RBM25: variants seen among roughly 807,000 people sequenced by gnomAD.
RBM25 encodes RNA binding motif protein 25.
A neutral mutation model predicts 120.7 loss-of-function variants in RBM25; 19 were observed. The observed-to-expected ratio is 0.16, with a 90% CI of 0.11 to 0.23. The LOEUF is 0.23. Ranked by LOEUF, RBM25 falls within the 10% of genes least tolerant of loss-of-function variation. The pLI, the probability that RBM25 is intolerant of heterozygous loss-of-function variation, is 1.00. For missense variants in RBM25, 605 were observed against 1,041.5 expected (o/e 0.58, Z 5.77); for synonymous variants, 390 against 326.7 (o/e 1.19, Z -2.09).
chr14:73,075,171 A>T lies in RBM25; in HGVS notation c.107-1148A>T, dbSNP rs535114581. On this transcript the variant is annotated intron_variant, in intron 2 of 18. Transcript: ENST00000261973. ...CAAGCATGATTTTATTTATTTATTT[A>T]TTTTTTTGGTACAGAGTCTTGCACC... 1.3e-3 allele frequency among the ~76,000 whole-genome samples: 199 copies of T among 151,292 alleles called. 2 individuals carry two copies. The highest frequency in any genetic ancestry group is 8.4e-4 in the Non-Finnish European group (57 of 67,812).
At chr14:73,062,654 GA>G (rs1403823989) in intron 1 of RBM25, among the ~76,000 whole-genome samples, 1 of 151,352 alleles carries the variant, frequency 6.6e-6, no homozygotes, top group Non-Finnish European at 1.5e-5. Context: ...TGCATATGTT[GA>G]GTACTAGAGA....
chr14:73,099,182 C>T (rs948865013), intron 7 of RBM25, among the ~76,000 whole-genome samples, 198 bp from the exon 8 acceptor site: 9 of 151,874 alleles, frequency 5.9e-5, no homozygotes, highest in Non-Finnish European at 4.4e-5. Flanking sequence ...TTGGAGTATC[C>T]AGAGAGGAGG....
intron 10 of RBM25, among the ~76,000 whole-genome samples, 194 bp from the exon 11 acceptor site, chr14:73,105,665 T>G (rs921275660): frequency 6.6e-6 from 1 of 152,218 alleles, no homozygotes; most frequent in Admixed American, 6.5e-5. Context: ...TTAGAATGCA[T>G]TTTAGGATTT....
chr14:73,109,206 A>G, intron 13 of RBM25, 136 bp from the exon 14 acceptor site: 1 of 876,918 alleles, frequency 1.1e-6, no homozygotes. Flanking sequence ...TGTTCCGTAG[A>G]TACAGAACAT....
At chr14:73,090,411 C>T (rs577139103) in intron 6 of RBM25, among the ~76,000 whole-genome samples, 5 of 152,248 alleles carry the variant, frequency 3.3e-5, no homozygotes, top group Admixed American at 1.3e-4. Context: ...TTCTAGCTTC[C>T]GTCTTCCCTC....
intron 9 of RBM25, chr14:73,100,578 A>G (rs541707105): frequency 4.4e-5 from 15 of 342,118 alleles, no homozygotes; most frequent in African/African-American, 2.5e-4. Context: ...ACTGCATGAA[A>G]TGTATTTTGA....
At chr14:73,089,304 C>G (rs562853082) in intron 6 of RBM25, among the ~76,000 whole-genome samples, 1 of 152,162 alleles carries the variant, frequency 6.6e-6, no homozygotes, top group South Asian at 2.1e-4. Context: ...ACACTGTAGG[C>G]GGTTTGGATG....
intron 1 of RBM25, among the ~76,000 whole-genome samples, chr14:73,066,243 T>C (rs1360905093): frequency 6.6e-6 from 1 of 152,164 alleles, no homozygotes; most frequent in Non-Finnish European, 1.5e-5. Flanking sequence ...ACTCAACACA[T>C]TTACAGTCTT....
chr14:73,081,668 C>G (rs1270196615), intron 4 of RBM25, among the ~76,000 whole-genome samples: 1 of 152,170 alleles, frequency 6.6e-6, no homozygotes, highest in Non-Finnish European at 1.5e-5. Context: ...GGTAACTTTT[C>G]TGAATCTAAA....
At chr14:73,112,843 C>T (rs1708238682) in intron 17 of RBM25, among the ~76,000 whole-genome samples, 1 of 151,764 alleles carries the variant, frequency 6.6e-6, no homozygotes, top group Non-Finnish European at 1.5e-5. Context: ...TTGCTTTGTC[C>T]TACAGGCTGG....
chr14:73,112,026 C>A, intron 16 of RBM25, 126 bp from the exon 17 acceptor site: 4 of 1,060,592 alleles, frequency 3.8e-6, no homozygotes, highest in Non-Finnish European at 4.2e-6. Flanking sequence ...TATCTTGATA[C>A]ATATCTGTCT....
intron 4 of RBM25, among the ~76,000 whole-genome samples, chr14:73,078,931 C>G (rs763316562): frequency 6.6e-6 from 1 of 152,130 alleles, no homozygotes; most frequent in Non-Finnish European, 1.5e-5. Flanking sequence ...ACTGTGAGTC[C>G]TTTTCCCCAA....
intron 18 of RBM25, among the ~76,000 whole-genome samples, chr14:73,118,989 G>A (rs1312048646): frequency 1.3e-5 from 2 of 151,920 alleles, no homozygotes; most frequent in African/African-American, 4.8e-5. Context: ...GGCTGGTCTT[G>A]AACTCTTGAC....
chr14:73,083,566 T>C lies in RBM25; in HGVS notation c.382+15T>C. On this transcript the variant is annotated intron_variant, in intron 5 of 18. Coordinates refer to ENST00000261973, the MANE Select transcript of RBM25 (RefSeq NM_021239.3). ...AAAGCTTCAAGGTATGTCATTTTTT[T>C]CCTTATTTGCTGAAATCACTTTAAC... is the stretch of plus-strand genomic sequence containing the variant. The C allele has an allele frequency of 1.9e-6, 3 of 1,561,774 alleles. No homozygotes were observed. The highest frequency in any genetic ancestry group is 2.6e-6 in the Non-Finnish European group (3 of 1,161,462).
At chr14:73,094,109 G>C (rs1276315650) in intron 6 of RBM25, among the ~76,000 whole-genome samples, 2 of 151,096 alleles carry the variant, frequency 1.3e-5, no homozygotes, top group African/African-American at 4.9e-5. Flanking sequence ...CCGCCACCAC[G>C]CCTGGCTAAT....
intron 4 of RBM25, among the ~76,000 whole-genome samples, chr14:73,080,211 A>ATTTTT (rs1594906280): frequency 1.1e-5 from 1 of 90,226 alleles, no homozygotes; most frequent in African/African-American, 4.9e-5. Context: ...ATTCTTACAC[A>ATTTTT]TCTTTTTTTT....
intron 1 of RBM25, among the ~76,000 whole-genome samples, chr14:73,065,780 C>G (rs1269502630): frequency 6.6e-6 from 1 of 151,872 alleles, no homozygotes; most frequent in Non-Finnish European, 1.5e-5. Context: ...GTCTCGAACT[C>G]CTGACCTCCA....
At position 73,111,573 on chromosome 14, in the gene RBM25, A is replaced by C; in HGVS notation, c.2063A>C (p.Lys688Thr). 6.2e-7 allele frequency: 1 copy of C among 1,612,832 alleles called. No homozygotes were observed. Among genetic ancestry groups the C allele is most frequent in the Non-Finnish European group, 8.5e-7 (1 of 1,179,622 alleles). The change falls in exon 16 of 19, where the codon AAA (lysine) becomes ACA (threonine). Residue 688 changes from lysine (K) to threonine (T), a missense_variant. Physicochemically the swap from Lys to Thr is moderately conservative, Grantham distance 78. Coordinates refer to ENST00000261973, the MANE Select transcript of RBM25 (RefSeq NM_021239.3). ...PGQPNSVKRK[K>T]LPVDSVFNKF... ...CAGCCTAATTCTGTGAAGAGAAAGA[A>C]ACTACCTGTAGATAGTGTCTTTAAC...
chr14:73,105,344 T>A (rs1022872830), intron 10 of RBM25, among the ~76,000 whole-genome samples: 3 of 152,132 alleles, frequency 2.0e-5, no homozygotes, highest in Non-Finnish European at 4.4e-5. Context: ...AATTAAATAT[T>A]TGAGAACTTT....
Sources: allele counts gnomAD v4.1 joint callset (sites outside exome capture counted in the v4.1 genomes callset), GRCh38; gene constraint gnomAD v4.1.1; transcripts MANE v1.5; gene names NCBI Gene and HGNC (gene_info 2026-07-23, HGNC 2026-07-21).